The following TMEM123 variants were observed in gnomAD, a reference collection of about 807,000 sequenced individuals.
TMEM123 encodes transmembrane protein 123.
In TMEM123, 16 loss-of-function variants were observed where a neutral mutation model predicts 19.7. The observed-to-expected ratio is 0.81, with a 90% CI of 0.55 to 1.23. TMEM123 has a LOEUF of 1.23. Ranked by LOEUF, TMEM123 falls within the 50% of genes most tolerant of loss-of-function variation. The pLI, the probability that TMEM123 is intolerant of heterozygous loss-of-function variation, is 0.00. For synonymous variants in TMEM123, 118 were observed against 99.4 expected, an observed-to-expected ratio of 1.19 and a Z score of -1.12; for missense variants, 313 against 257.8, an observed-to-expected ratio of 1.21 and a Z score of -1.47.
intron 2 of TMEM123, among the ~76,000 whole-genome samples, chr11:102,443,637 C>A (rs960061705): frequency 6.6e-6 from 1 of 152,058 alleles, no homozygotes; most frequent in South Asian, 2.1e-4. Context: ...CAGGCATGGG[C>A]GAGGACTTCA....
At chr11:102,399,037 A>T (rs372382066) in intron 4 of TMEM123, 146 bp from the exon 5 acceptor site, 9 of 685,918 alleles carry the variant, frequency 1.3e-5, no homozygotes, top group African/African-American at 1.3e-4. Flanking sequence ...TTCCTTAAGT[A>T]TCCAATATAC....
intron 2 of TMEM123, among the ~76,000 whole-genome samples, chr11:102,430,600 C>T (rs1427199955): frequency 6.6e-6 from 1 of 152,158 alleles, no homozygotes; most frequent in Non-Finnish European, 1.5e-5. Flanking sequence ...GAGAACAGAA[C>T]ATGCAAAGGT....
intron 2 of TMEM123, among the ~76,000 whole-genome samples, chr11:102,406,942 G>A (rs1201673317): frequency 6.6e-6 from 1 of 151,850 alleles, no homozygotes; most frequent in Non-Finnish European, 1.5e-5. Flanking sequence ...GTAGGGGGTG[G>A]AGCACCAAAA....
At chr11:102,434,908 T>C (rs1422746488) in intron 2 of TMEM123, among the ~76,000 whole-genome samples, 3 of 152,076 alleles carry the variant, frequency 2.0e-5, no homozygotes, top group African/African-American at 7.2e-5. Context: ...CAATGTGTGA[T>C]GGGAACTCTT....
In TMEM123 at chr11:102,402,068, G is replaced by A; in HGVS notation, c.296C>T (p.Thr99Ile). ...MKPTAASNTT[T>I]PGMVSTNMTS... ...CATATTTGTTGAGACCATCCCTGGT[G>A]TTGTTGTATTAGATGCCGCTGTAGG... The change falls in exon 3 of 5, where the codon ACA becomes ATA. Residue 99 changes from threonine (T) to isoleucine (I), a missense_variant. By Grantham distance (89) the Thr-to-Ile change is moderately conservative. Transcript: ENST00000398136. 6.2e-7 allele frequency: 1 copy of A among 1,613,670 alleles called. No individual in the cohort carries two copies. Among genetic ancestry groups the A allele is most frequent in the Non-Finnish European group, 8.5e-7 (1 of 1,180,016 alleles).
chr11:102,432,782 C>G (rs990613082), intron 2 of TMEM123, among the ~76,000 whole-genome samples: 1 of 152,350 alleles, frequency 6.6e-6, no homozygotes, highest in South Asian at 2.1e-4. Context: ...CCAGGGGCCC[C>G]CTGCTCTATG....
At chr11:102,448,926 G>C (rs1857910843) in intron 1 of TMEM123, 58 bp from the exon 2 acceptor site, 8 of 1,556,744 alleles carry the variant, frequency 5.1e-6, no homozygotes, top group Non-Finnish European at 7.1e-6. Context: ...AATACTGGCA[G>C]TATGTGGTTT....
intron 4 of TMEM123, among the ~76,000 whole-genome samples, chr11:102,399,484 A>G (rs912657196): frequency 6.6e-6 from 1 of 152,236 alleles, no homozygotes; most frequent in Admixed American, 6.5e-5. Flanking sequence ...TCTTTCATGT[A>G]TTGACCTTAA....
chr11:102,426,669 T>C lies in TMEM123; in HGVS notation c.157+22143A>G, dbSNP rs562216352. On this transcript the variant is annotated intron_variant, in intron 2 of 4. Transcript: ENST00000398136. The stretch of plus-strand genomic sequence containing the variant: ...TTTTCCCTGCTTAAAGAGGCTGCTA[T>C]GTAAGTTTTAGCTACTGCAAAGAAG... 3.3e-5 allele frequency among the ~76,000 whole-genome samples: 5 copies of C among 152,264 alleles called. No individual in the cohort carries two copies. In the East Asian group the frequency reaches 9.6e-4, roughly 29 times the overall value.
At chr11:102,451,191 T>C (rs1382354134) in intron 1 of TMEM123, 1 of 152,196 alleles carries the variant, frequency 6.6e-6, no homozygotes, top group Non-Finnish European at 1.5e-5. Flanking sequence ...AAGAAAAGCA[T>C]GGTCACTCAC....
chr11:102,427,195 T>C (rs1952136217), intron 2 of TMEM123, among the ~76,000 whole-genome samples: 1 of 152,062 alleles, frequency 6.6e-6, no homozygotes, highest in Admixed American at 6.5e-5. Flanking sequence ...AGTTGGCTTT[T>C]GTTTAGTTTC....
intron 2 of TMEM123, among the ~76,000 whole-genome samples, chr11:102,405,139 C>A (rs543787354): frequency 6.6e-6 from 1 of 151,964 alleles, no homozygotes; most frequent in South Asian, 2.1e-4. Flanking sequence ...AGCTCCGCCT[C>A]CCAGGTTCAC....
At chr11:102,429,231 T>C (rs558418573) in intron 2 of TMEM123, among the ~76,000 whole-genome samples, 1 of 152,236 alleles carries the variant, frequency 6.6e-6, no homozygotes, top group South Asian at 2.1e-4. Context: ...GTCCAACAAG[T>C]CCTTGTTTAT....
chr11:102,433,061 G>C (rs1337620035), intron 2 of TMEM123, among the ~76,000 whole-genome samples: 1 of 152,026 alleles, frequency 6.6e-6, no homozygotes, highest in Non-Finnish European at 1.5e-5. Context: ...AACTCTGCTA[G>C]GGCAGTGCAG....
Position 102,401,654 on chromosome 11 carries a change from T to G in TMEM123, c.487A>C (p.Lys163Gln), listed in dbSNP as rs1352711486. 6.2e-7 allele frequency: 1 copy of G among 1,607,286 alleles called. No homozygotes were observed. The highest frequency in any genetic ancestry group is 1.3e-5 in the African/African-American group (1 of 74,552). ...TMHSEAKKGSKFDTGSFVGGI... is the reference protein window; with the variant it reads ...TMHSEAKKGSQFDTGSFVGGI... The stretch of plus-strand genomic sequence containing the variant: ...CCAACAAAGCTCCCAGTATCAAATT[T>G]TGATCCTTTCTTTGCTTCAGAATGC... Residue 163 changes from lysine to glutamine, a missense_variant, in exon 4 of 5, where the codon AAA (lysine) becomes CAA (glutamine). Coordinates refer to ENST00000398136, the MANE Select transcript of TMEM123 (RefSeq NM_052932.3).
At chr11:102,415,534 G>T (rs1013192057) in intron 2 of TMEM123, among the ~76,000 whole-genome samples, 4 of 152,024 alleles carry the variant, frequency 2.6e-5, no homozygotes, top group African/African-American at 9.7e-5. Flanking sequence ...GTACCAGGAA[G>T]ATCTCTTAAA....
chr11:102,443,068 C>T (rs1027564132), intron 2 of TMEM123, among the ~76,000 whole-genome samples: 3 of 152,188 alleles, frequency 2.0e-5, no homozygotes, highest in African/African-American at 7.2e-5. Context: ...AATGGAAGAA[C>T]ATTCCATGCT....
At chr11:102,417,872 A>T (rs896281304) in intron 2 of TMEM123, among the ~76,000 whole-genome samples, 5 of 146,350 alleles carry the variant, frequency 3.4e-5, no homozygotes, top group African/African-American at 1.0e-4. Context: ...GATAAAGTTT[A>T]AAAAAAAAAA....
At chr11:102,432,664 A>G (rs1357374214) in intron 2 of TMEM123, among the ~76,000 whole-genome samples, 3 of 152,246 alleles carry the variant, frequency 2.0e-5, no homozygotes, top group Non-Finnish European at 2.9e-5. Context: ...TTAACCACCA[A>G]AAGACAATGG....
Sources: allele counts gnomAD v4.1 joint callset (sites outside exome capture counted in the v4.1 genomes callset), GRCh38; gene constraint gnomAD v4.1.1; transcripts MANE v1.5; gene names NCBI Gene and HGNC (gene_info 2026-07-23, HGNC 2026-07-21).